ZKSCAN1: variants seen among roughly 807,000 people sequenced by gnomAD.
ZKSCAN1 encodes zinc finger protein with KRAB and SCAN domains 1.
Under a neutral mutation model 51.6 loss-of-function variants are expected in ZKSCAN1, and 14 were observed. The ratio of observed to expected loss-of-function variants is 0.27; its 90% CI spans 0.18 to 0.42. ZKSCAN1 has a LOEUF of 0.42. Among genes scored for constraint, ZKSCAN1 ranks in the 10% least tolerant of loss-of-function variants. The pLI, the probability that ZKSCAN1 is intolerant of heterozygous loss-of-function variation, is 1.00. For synonymous variants in ZKSCAN1, 263 were observed against 261.5 expected, an observed-to-expected ratio of 1.01 and a Z score of -0.06; for missense variants, 531 against 710.0, an observed-to-expected ratio of 0.75 and a Z score of 2.86.
chr7:100,032,631 C>T (rs1044542463), intron 5 of ZKSCAN1, among the ~76,000 whole-genome samples: 9 of 152,188 alleles, frequency 5.9e-5, no homozygotes, highest in Non-Finnish European at 1.2e-4. Flanking sequence ...GAGGCCAGGG[C>T]AGGTGGATCA....
Position 100,028,077 on chromosome 7 carries a change from G to A in ZKSCAN1, c.581-1784G>A, listed in dbSNP as rs1790920996. 2.6e-5 allele frequency among the ~76,000 whole-genome samples: 4 copies of A among 152,056 alleles called. No homozygotes were observed. The South Asian group carries it at 8.3e-4, about 32-fold the overall frequency. ...TTTAAAAAATTAAGTACTTGGGGCT[G>A]GGCGCAGTGACTCACGCCTGTAATC... On this transcript the variant is annotated intron_variant, in intron 3 of 5. Transcript: ENST00000324306.
downstream of ZKSCAN1, among the ~76,000 whole-genome samples, chr7:100,042,760 G>GTGTGTA (rs987128687): frequency 1.4e-5 from 2 of 146,506 alleles, no homozygotes; most frequent in South Asian, 2.2e-4. Flanking sequence ...GTGTGTGTGT[G>GTGTGTA]TATACGAATA....
At chr7:100,026,000 C>T (rs1032129794) in intron 3 of ZKSCAN1, among the ~76,000 whole-genome samples, 6 of 152,156 alleles carry the variant, frequency 3.9e-5, no homozygotes, top group African/African-American at 1.4e-4. Flanking sequence ...GCAGGCAGAT[C>T]ACCTGAGGTC....
intron 1 of ZKSCAN1, among the ~76,000 whole-genome samples, chr7:100,017,503 G>A (rs910118645): frequency 3.3e-5 from 5 of 152,192 alleles, no homozygotes; most frequent in Admixed American, 6.5e-5. Flanking sequence ...GATTACGGGC[G>A]TGAGCCACTG....
chr7:100,022,439 G>GTTCATT (rs1562818052), intron 1 of ZKSCAN1, among the ~76,000 whole-genome samples: 1 of 152,252 alleles, frequency 6.6e-6, no homozygotes, highest in Non-Finnish European at 1.5e-5. Flanking sequence ...AACAACACCT[G>GTTCATT]TGACAGGTCA....
chr7:100,022,226 T>C (rs952752272), intron 1 of ZKSCAN1, among the ~76,000 whole-genome samples: 1 of 152,236 alleles, frequency 6.6e-6, no homozygotes, highest in Non-Finnish European at 1.5e-5. Flanking sequence ...AGCTAATTTT[T>C]CTATTTTTAG....
At position 100,040,563 on chromosome 7, in the gene ZKSCAN1, T is replaced by A. The variant is rs781667475; in HGVS notation, c.*6366T>A. On this transcript the variant is annotated 3_prime_UTR_variant, in exon 6 of 6. Transcript: ENST00000324306. The stretch of plus-strand genomic sequence containing the variant: ...GTGTCAGGTTTGGGTTTTAAGTTCC[T>A]TTGGTCCAGGGAAGGGTCCAAGCAG... The A allele has an allele frequency of 2.7e-5, 27 of 985,444 alleles. No individual in the cohort carries two copies. The highest frequency in any genetic ancestry group is 3.3e-5 in the Non-Finnish European group (27 of 829,930). 61.0% of individuals were successfully genotyped at this position (985,444 alleles called of 1,614,324 possible). A position where few individuals can be genotyped will look rare whatever the true frequency, so the allele number is the denominator to read the frequency against.
intron 5 of ZKSCAN1, among the ~76,000 whole-genome samples, chr7:100,030,786 A>C (rs531831844): frequency 3.3e-5 from 5 of 152,272 alleles, no homozygotes; most frequent in Non-Finnish European, 7.4e-5. Context: ...TCCCGGTACC[A>C]CATTCCCGAA....
chr7:100,019,614 G>A (rs1035349669), intron 1 of ZKSCAN1, among the ~76,000 whole-genome samples: 1 of 152,128 alleles, frequency 6.6e-6, no homozygotes, highest in African/African-American at 2.4e-5. Flanking sequence ...GTTTACATTG[G>A]GGAATCACTT....
At position 100,035,746 on chromosome 7, in the gene ZKSCAN1, A is replaced by AT; in HGVS notation, c.*1549_*1550insT. The AT allele has an allele frequency of 1.4e-6, 1 of 711,864 alleles. No individual in the cohort carries two copies. The highest frequency in any genetic ancestry group is 6.3e-5 in the South Asian group (1 of 15,786). The allele number at this position is 711,864 out of a possible 1,614,324, so 44.1% of individuals were successfully genotyped here. On this transcript the variant is annotated 3_prime_UTR_variant, in exon 6 of 6. Coordinates refer to ENST00000324306, the MANE Select transcript of ZKSCAN1 (RefSeq NM_003439.4). ...AGTGACTTTTCTGTTTCTTATCACT[A>AT]AAGACTGAGGTGAGGTTATGAAACT...
In ZKSCAN1 at chr7:100,036,162, T is replaced by C. The variant is rs1791355214; in HGVS notation, c.*1965T>C. On this transcript the variant is annotated 3_prime_UTR_variant, in exon 6 of 6. Transcript: ENST00000324306. Reference sequence around the variant, plus strand: ...TCATTCTTTGGCCTCTCCTTGGCTTTATGACTTAAACCAACTACAACTTCC... The same window carrying C: ...TCATTCTTTGGCCTCTCCTTGGCTTCATGACTTAAACCAACTACAACTTCC... 3 of 985,426 alleles carry C rather than the reference T, an allele frequency of 3.0e-6. No individual in the cohort carries two copies. The highest frequency in any genetic ancestry group is 3.6e-6 in the Non-Finnish European group (3 of 829,914). 61.0% of individuals were successfully genotyped at this position (985,426 alleles called of 1,614,324 possible).
At chr7:100,028,815 G>GT (rs1485519885) in intron 3 of ZKSCAN1, among the ~76,000 whole-genome samples, 1 of 141,494 alleles carries the variant, frequency 7.1e-6, no homozygotes. Flanking sequence ...AAAAAAAACA[G>GT]TATTTATTGT....
At position 100,028,998 on chromosome 7, in the gene ZKSCAN1, C is replaced by T. The variant is rs539406372; in HGVS notation, c.581-863C>T. 2.6e-5 allele frequency among the ~76,000 whole-genome samples: 4 copies of T among 151,946 alleles called. No homozygotes were observed. In the South Asian group the frequency reaches 8.3e-4, roughly 32 times the overall value. On this transcript the variant is annotated intron_variant, in intron 3 of 5. Coordinates refer to ENST00000324306, the MANE Select transcript of ZKSCAN1 (RefSeq NM_003439.4). ...TGACCAACATGGAGAAACCCCGCCTCTACTAAAAATACAAAATTAGCTGGG... is the reference window on the plus strand; with the variant it reads ...TGACCAACATGGAGAAACCCCGCCTTTACTAAAAATACAAAATTAGCTGGG...
chr7:100,029,656 CT>C (rs1373841758), intron 3 of ZKSCAN1, among the ~76,000 whole-genome samples: 1 of 152,158 alleles, frequency 6.6e-6, no homozygotes, highest in Admixed American at 6.5e-5. Flanking sequence ...GATTAGGACC[CT>C]TTTATGACTC....
intron 3 of ZKSCAN1, among the ~76,000 whole-genome samples, chr7:100,025,911 C>T (rs1790812485): frequency 1.3e-5 from 2 of 152,030 alleles, no homozygotes; most frequent in Admixed American, 1.3e-4. Flanking sequence ...CATGTTAAAA[C>T]CCGGTCTCTA....
chr7:100,033,196 G>A lies in ZKSCAN1; in HGVS notation c.800-109G>A. The A allele has an allele frequency of 4.1e-6, 6 of 1,447,202 alleles. No homozygotes were observed. The highest frequency in any genetic ancestry group is 2.4e-4 in the Middle Eastern group (1 of 4,212). The allele number at this position is 1,447,202 out of a possible 1,614,324, so 89.6% of individuals were successfully genotyped here. On this transcript the variant is annotated intron_variant, in intron 5 of 5. Coordinates refer to ENST00000324306, the MANE Select transcript of ZKSCAN1 (RefSeq NM_003439.4). This position sits in a 1 kb window ranked among gnomAD's most constrained non-coding sequence, Gnocchi z 4.1. ...CAAAGGAAATAAAAATAAAAATATT[G>A]CAAAGTCATTTTGCAGCCGTGTAGA...
downstream of ZKSCAN1, among the ~76,000 whole-genome samples, chr7:100,042,737 C>CGTGTGT (rs34820993): frequency 0.25 from 36,439 of 144,584 alleles, 4,665 homozygotes; most frequent in East Asian, 0.38. Flanking sequence ...TATAGATACA[C>CGTGTGT]GTGTGTGTGT....
In ZKSCAN1 at chr7:100,035,688, G is replaced by C. The variant is rs1791327790; in HGVS notation, c.*1491G>C. The C allele has an allele frequency of 4.8e-6, 1 of 206,508 alleles. No homozygotes were observed. Among genetic ancestry groups the C allele is most frequent in the Non-Finnish European group, 8.5e-6 (1 of 117,802 alleles). 12.8% of individuals were successfully genotyped at this position (206,508 alleles called of 1,614,324 possible). A position where few individuals can be genotyped will look rare whatever the true frequency, so the allele number is the denominator to read the frequency against. On this transcript the variant is annotated 3_prime_UTR_variant, in exon 6 of 6. Coordinates refer to ENST00000324306, the MANE Select transcript of ZKSCAN1 (RefSeq NM_003439.4). ...TCTGAGAAACTCAGCAGTGTACTGA[G>C]ATGTGGCTGGCTGTGCCATCGTCAT...
intron 1 of ZKSCAN1, among the ~76,000 whole-genome samples, chr7:100,022,164 C>T (rs1046629052): frequency 1.3e-5 from 2 of 152,204 alleles, no homozygotes; most frequent in Non-Finnish European, 2.9e-5. Flanking sequence ...AAGTGATTCT[C>T]CTTCCTCAGC....
Sources: gnomAD v4.1 joint callset for allele counts (sites outside exome capture counted in the v4.1 genomes callset) on GRCh38, gnomAD v4.1.1 for gene constraint, Gnocchi (gnomAD v3.1) non-coding constraint, MANE v1.5 for transcripts, NCBI Gene and HGNC (gene_info 2026-07-23, HGNC 2026-07-21) for gene names.